The following FOXP1 variants were observed in gnomAD, a reference collection of about 807,000 sequenced individuals.
The protein encoded by FOXP1 is forkhead box P1, also known as forkhead box protein P1.
A neutral mutation model predicts 98.2 loss-of-function variants in FOXP1; 15 were observed. The observed-to-expected ratio is 0.15, with a 90% CI of 0.10 to 0.24. The LOEUF (loss-of-function observed/expected upper bound fraction) is 0.24, where lower values mean the gene tolerates loss of function less well. FOXP1 is among the 10% of genes least tolerant of loss of function. The probability of loss-of-function intolerance (pLI) is 1.00; values close to 1 mark genes in which losing one functional copy is unlikely to be tolerated. For missense variants in FOXP1, 633 were observed against 848.5 expected, an observed-to-expected ratio of 0.75 and a Z score of 3.15; for synonymous variants, 371 against 314.5, an observed-to-expected ratio of 1.18 and a Z score of -1.90.
chr3:71,501,879 C>G (rs1250811030), intron 2 of FOXP1, among the ~76,000 whole-genome samples: 1 of 152,176 alleles, frequency 6.6e-6, no homozygotes, highest in Non-Finnish European at 1.5e-5. Context: ...ATGGCCTTGT[C>G]TTTTCTACTG....
At chr3:71,187,929 T>C (rs1359016393) in intron 6 of FOXP1, among the ~76,000 whole-genome samples, 3 of 152,044 alleles carry the variant, frequency 2.0e-5, no homozygotes, top group Admixed American at 1.3e-4. Flanking sequence ...TTGTAAAAGG[T>C]TGTTGAGTTT....
At chr3:71,197,027 T>TAAAAA (rs1560099177) in intron 6 of FOXP1, among the ~76,000 whole-genome samples, 1 of 152,158 alleles carries the variant, frequency 6.6e-6, no homozygotes, top group Non-Finnish European at 1.5e-5. Context: ...GTCTAATCAT[T>TAAAAA]CCTTATTCCT....
chr3:71,286,140 T>A (rs115133584), intron 5 of FOXP1, among the ~76,000 whole-genome samples: 9,759 of 152,220 alleles, frequency 0.064, 624 homozygotes, highest in African/African-American at 0.17. Context: ...CAATACCAAG[T>A]GCTATGTATC....
chr3:71,174,220 A>C (rs1298338194), intron 6 of FOXP1, among the ~76,000 whole-genome samples: 5 of 152,170 alleles, frequency 3.3e-5, no homozygotes, highest in Non-Finnish European at 7.4e-5. Flanking sequence ...ACAGATCCTT[A>C]TTGTAGAAAG....
chr3:71,390,327 G>T (rs2080937478), intron 3 of FOXP1, among the ~76,000 whole-genome samples: 1 of 152,120 alleles, frequency 6.6e-6, no homozygotes. Context: ...TTCAGCAGTG[G>T]GATTCTAAGG....
At chr3:71,279,164 C>T (rs1364600033) in intron 5 of FOXP1, among the ~76,000 whole-genome samples, 2 of 72,554 alleles carry the variant, frequency 2.8e-5, no homozygotes, top group Non-Finnish European at 5.0e-5. Context: ...AAGAGTGAAA[C>T]TCCATCTCAA....
At chr3:71,026,318 G>A (rs574059375) in intron 11 of FOXP1, among the ~76,000 whole-genome samples, 4 of 152,220 alleles carry the variant, frequency 2.6e-5, no homozygotes, top group East Asian at 1.9e-4. Flanking sequence ...ACAATGGGGC[G>A]CATATTCAAA....
chr3:71,515,432 G>GAAAA (rs2042495936), intron 2 of FOXP1, among the ~76,000 whole-genome samples: 1 of 8,182 alleles, frequency 1.2e-4, no homozygotes, highest in Non-Finnish European at 2.7e-4. Flanking sequence ...AATTTACACA[G>GAAAA]CAAAAAAAAA....
At chr3:71,015,728 G>T in intron 11 of FOXP1, 75 bp from the exon 12 acceptor site, 2 of 1,010,390 alleles carry the variant, frequency 2.0e-6, no homozygotes, top group Non-Finnish European at 3.1e-6. Context: ...GGATAAAAAA[G>T]GCAGGAGGAG....
intron 14 of FOXP1, 37 bp from the exon 15 acceptor site, chr3:70,978,066 G>A: frequency 6.4e-7 from 1 of 1,574,346 alleles, no homozygotes; most frequent in Non-Finnish European, 8.7e-7. Flanking sequence ...AAGACCTTCA[G>A]AAAACCAGAG....
chr3:71,094,753 AG>A (rs1468220865), intron 7 of FOXP1, among the ~76,000 whole-genome samples: 1 of 152,198 alleles, frequency 6.6e-6, no homozygotes, highest in Non-Finnish European at 1.5e-5. Context: ...GAGCCACACC[AG>A]GAAGTGTTGG....
intron 2 of FOXP1, among the ~76,000 whole-genome samples, chr3:71,494,000 G>A (rs1356931519): frequency 6.6e-6 from 1 of 151,836 alleles, no homozygotes; most frequent in African/African-American, 2.4e-5. Flanking sequence ...TACTAATAAC[G>A]AACATTAAAA....
intron 4 of FOXP1, chr3:71,302,655 A>C (rs1357362544): frequency 6.6e-6 from 1 of 150,532 alleles, no homozygotes; most frequent in African/African-American, 2.4e-5. Context: ...TACTGGTTTT[A>C]GGTTTTAAAA....
intron 7 of FOXP1, among the ~76,000 whole-genome samples, chr3:71,082,490 G>A (rs2054550394): frequency 6.6e-6 from 1 of 151,560 alleles, no homozygotes. Flanking sequence ...GTGGGGGGTA[G>A]GGGAGGGATA....
At chr3:71,399,131 T>C (rs2081769342) in intron 3 of FOXP1, among the ~76,000 whole-genome samples, 1 of 152,226 alleles carries the variant, frequency 6.6e-6, no homozygotes, top group Admixed American at 6.5e-5. Flanking sequence ...AAACTTGAAT[T>C]ATTTGGGTTT....
chr3:71,327,787 TACATTA>T (rs2076005448), intron 4 of FOXP1, among the ~76,000 whole-genome samples: 1 of 152,226 alleles, frequency 6.6e-6, no homozygotes, highest in Admixed American at 6.5e-5. Context: ...TGTTTACTGA[TACATTA>T]TATCTCAATC....
chr3:71,076,331 T>C (rs1024849735), intron 7 of FOXP1, among the ~76,000 whole-genome samples: 3 of 152,236 alleles, frequency 2.0e-5, no homozygotes, highest in Non-Finnish European at 4.4e-5. Flanking sequence ...TTTCTTACCA[T>C]CATTTGATCA....
intron 3 of FOXP1, among the ~76,000 whole-genome samples, chr3:71,396,888 G>A (rs1175719380): frequency 7.8e-6 from 1 of 128,862 alleles, no homozygotes. Flanking sequence ...AAGGTTCAAT[G>A]TATGAGTCAT....
intron 5 of FOXP1, among the ~76,000 whole-genome samples, chr3:71,244,037 G>T (rs1050360847): frequency 2.6e-5 from 4 of 151,944 alleles, no homozygotes; most frequent in Non-Finnish European, 4.4e-5. Flanking sequence ...AAATTTAAAA[G>T]AAAAGAAAAA....
Sources: gnomAD v4.1 joint callset for allele counts (sites outside exome capture counted in the v4.1 genomes callset) on GRCh38, gnomAD v4.1.1 for gene constraint, MANE v1.5 for transcripts, NCBI Gene and HGNC (gene_info 2026-07-23, HGNC 2026-07-21) for gene names.